ANK2: variants seen among roughly 807,000 people sequenced by gnomAD.
ANK2 encodes ankyrin 2.
Under a neutral mutation model 360.5 loss-of-function variants are expected in ANK2, and 83 were observed. The observed-to-expected ratio is 0.23, with a 90% CI of 0.19 to 0.28. The LOEUF (loss-of-function observed/expected upper bound fraction) is 0.28. Among genes scored for constraint, ANK2 ranks in the 10% least tolerant of loss-of-function variants. The pLI is 1.00. For missense variants in ANK2, 4,201 were observed against 4,795.7 expected (o/e 0.88, Z 3.66); for synonymous variants, 1,740 against 1,759.5 (o/e 0.99, Z 0.28).
chr4:113,027,860 T>C (rs909737116), intron 2 of ANK2, among the ~76,000 whole-genome samples: 3 of 152,142 alleles, frequency 2.0e-5, no homozygotes, highest in South Asian at 2.1e-4. Flanking sequence ...TGATTTTGGA[T>C]GAAATGATTG....
chr4:113,165,311 T>C (rs2097712345), intron 1 of ANK2, among the ~76,000 whole-genome samples: 1 of 152,202 alleles, frequency 6.6e-6, no homozygotes, highest in Admixed American at 6.5e-5. Context: ...TTCAGTCATA[T>C]ATAGATGCTG....
chr4:112,758,982 G>A, the ANK2 span, among the ~76,000 whole-genome samples: 2 of 151,998 alleles, frequency 1.3e-5, no homozygotes, highest in Non-Finnish European at 2.9e-5. Flanking sequence ...ACCTTTATAG[G>A]TGACCTATCT....
intron 2 of ANK2, among the ~76,000 whole-genome samples, chr4:113,030,029 T>C (rs1317480411): frequency 6.6e-6 from 1 of 152,090 alleles, no homozygotes; most frequent in East Asian, 1.9e-4. Flanking sequence ...TAATTATATT[T>C]ATTATCTAAA....
At chr4:113,315,222 T>C (rs1158299917) in intron 24 of ANK2, among the ~76,000 whole-genome samples, 1 of 152,194 alleles carries the variant, frequency 6.6e-6, no homozygotes, top group Admixed American at 6.5e-5. Context: ...ATGACTGATA[T>C]ACCGATTGCA....
At chr4:112,999,651 C>T (rs1181697514) in intron 2 of ANK2, among the ~76,000 whole-genome samples, 2 of 147,644 alleles carry the variant, frequency 1.4e-5, no homozygotes, top group Non-Finnish European at 3.0e-5. Context: ...TCCTTTTCCT[C>T]CTCCTCCTTA....
chr4:113,214,678 C>T (rs2099066191), intron 4 of ANK2, among the ~76,000 whole-genome samples: 2 of 152,064 alleles, frequency 1.3e-5, no homozygotes, highest in African/African-American at 4.8e-5. Flanking sequence ...TATGTATGAG[C>T]ATGGTAGGTT....
chr4:113,240,846 T>C (rs1349510934), intron 8 of ANK2, among the ~76,000 whole-genome samples: 1 of 152,196 alleles, frequency 6.6e-6, no homozygotes, highest in Admixed American at 6.5e-5. Flanking sequence ...GTATGAACAG[T>C]TATATTTAAC....
In ANK2 at chr4:113,217,419, C is replaced by G. The variant is rs114043188; in HGVS notation, c.385-14742C>G. 6.2e-3 allele frequency among the ~76,000 whole-genome samples: 947 copies of G among 152,118 alleles called. 7 individuals are homozygous for G. The highest frequency in any genetic ancestry group is 0.021 in the African/African-American group (887 of 41,510). ...TATATATATAAAGTGTTTCAAGTAG[C>G]CTTAAATTTTTGAATGTGAATGTAT... On this transcript the variant is annotated intron_variant, in intron 4 of 45. Transcript: ENST00000357077.
chr4:113,365,169 G>A lies in ANK2; in HGVS notation c.11019G>A (p.Leu3673=). ...SYAEIEQTIT[L]DHSEGFSVLQ... ...CAGAAATTGAACAGACCATTACACTGGATCATAGTGAAGGTCAAACTGTGT... is the reference window on the plus strand; with the variant it reads ...CAGAAATTGAACAGACCATTACACTAGATCATAGTGAAGGTCAAACTGTGT... Residue 3673 remains leucine, a synonymous_variant, in exon 41 of 46, where the codon CTG becomes CTA. Transcript: ENST00000357077. The A allele has an allele frequency of 6.2e-7, 1 of 1,612,478 alleles. No individual in the cohort carries two copies.
chr4:112,741,001 T>C, the ANK2 span, among the ~76,000 whole-genome samples: 1 of 151,820 alleles, frequency 6.6e-6, no homozygotes, highest in South Asian at 2.1e-4. Flanking sequence ...AAAAATTTTT[T>C]TTTTTTTTTT....
intron 1 of ANK2, among the ~76,000 whole-genome samples, chr4:113,060,855 T>G (rs1407301713): frequency 1.3e-5 from 2 of 152,062 alleles, no homozygotes; most frequent in Non-Finnish European, 2.9e-5. Flanking sequence ...AGCTTTATAG[T>G]TGGTATTTCC....
the ANK2 span, among the ~76,000 whole-genome samples, chr4:112,713,214 A>G: frequency 6.6e-6 from 1 of 152,178 alleles, no homozygotes; most frequent in Non-Finnish European, 1.5e-5. Context: ...TTTATTGCTG[A>G]GTAGTATTCC....
At position 113,150,279 on chromosome 4, in the gene ANK2, C is replaced by G. The variant is rs143816719; in HGVS notation, c.85-24137C>G. ...GGATTTCCCAGCCTACTCCCATCCT[C>G]TAAAGAAGCAAACAAAAGAATAATG... is the stretch of plus-strand genomic sequence containing the variant. On this transcript the variant is annotated intron_variant, in intron 1 of 45. Transcript: ENST00000357077. Among the ~76,000 whole-genome samples the G allele has an allele frequency of 8.1e-4, 123 of 152,294 alleles. 1 individual carries two copies. The East Asian group carries it at 0.015, about 18-fold the overall frequency.
chr4:112,713,671 A>G, the ANK2 span, among the ~76,000 whole-genome samples: 6 of 152,172 alleles, frequency 3.9e-5, no homozygotes, highest in Non-Finnish European at 7.3e-5. Flanking sequence ...TAGTAAGTAT[A>G]TGTTTAACTT....
chr4:113,152,688 C>T (rs1208268427), intron 1 of ANK2, among the ~76,000 whole-genome samples: 1 of 152,082 alleles, frequency 6.6e-6, no homozygotes, highest in Non-Finnish European at 1.5e-5. Flanking sequence ...AGGAGGATCA[C>T]TTGTGCCCAG....
intron 23 of ANK2, among the ~76,000 whole-genome samples, chr4:113,305,339 CAAAAAAAAA>C (rs10667489): frequency 1.0e-5 from 1 of 96,994 alleles, no homozygotes; most frequent in Non-Finnish European, 1.9e-5. Context: ...GACTCCGTCT[CAAAAAAAAA>C]AAAAAAAAAA....
At chr4:113,207,097 C>T (rs6819591) in intron 4 of ANK2, among the ~76,000 whole-genome samples, 53,691 of 149,830 alleles carry the variant, frequency 0.36, 10,303 homozygotes, top group Non-Finnish European at 0.44. Context: ...TACTACTCTA[C>T]AAAGCGTGCA....
At chr4:113,367,186 C>T (rs2096568152) in intron 41 of ANK2, among the ~76,000 whole-genome samples, 1 of 152,142 alleles carries the variant, frequency 6.6e-6, no homozygotes, top group South Asian at 2.1e-4. Flanking sequence ...ATTAACTGTA[C>T]TCATCTTACT....
chr4:113,310,803 T>C (rs1049915536), intron 23 of ANK2, among the ~76,000 whole-genome samples: 3 of 152,230 alleles, frequency 2.0e-5, no homozygotes, highest in Non-Finnish European at 4.4e-5. Flanking sequence ...ATGTGACAGA[T>C]TCTGTATTAA....
Sources: allele counts gnomAD v4.1 joint callset (sites outside exome capture counted in the v4.1 genomes callset), GRCh38; gene constraint gnomAD v4.1.1; transcripts MANE v1.5; gene names NCBI Gene and HGNC (gene_info 2026-07-23, HGNC 2026-07-21).